BUD23: variants seen among roughly 807,000 people sequenced by gnomAD.
BUD23 encodes the protein BUD23 rRNA methyltransferase and ribosome maturation factor, also known as 18S rRNA (guanine-N(7))-methyltransferase.
BUD23 carries 34 observed loss-of-function variants against 47.0 expected under a neutral mutation model. The observed-to-expected ratio is 0.72, with a 90% CI of 0.55 to 0.96. The LOEUF (loss-of-function observed/expected upper bound fraction) is 0.96. BUD23 is among the 40% of genes least tolerant of loss of function. The pLI is 0.00. For missense variants in BUD23, 343 were observed against 361.2 expected (o/e 0.95, Z 0.41); for synonymous variants, 124 against 132.0 (o/e 0.94, Z 0.41).
intron 9 of BUD23, 131 bp from the exon 10 acceptor site, chr7:73,693,861 G>C: frequency 7.4e-7 from 1 of 1,359,580 alleles, no homozygotes; most frequent in Non-Finnish European, 1.0e-6. Flanking sequence ...AGAAAGGCGT[G>C]TCAGTTCCTT....
intron 10 of BUD23, chr7:73,696,312 C>T (rs972831726): frequency 2.0e-5 from 3 of 152,204 alleles, no homozygotes; most frequent in South Asian, 2.1e-4. Context: ...TGGATGACCT[C>T]TTCTCTGAGG....
At chr7:73,686,064 C>G (rs1232192797) in intron 2 of BUD23, among the ~76,000 whole-genome samples, 1 of 150,938 alleles carries the variant, frequency 6.6e-6, no homozygotes, top group Non-Finnish European at 1.5e-5. Context: ...CCACTGCACT[C>G]CAGCCTGGGC....
At chr7:73,690,326 G>T (rs1278693007) in intron 5 of BUD23, among the ~76,000 whole-genome samples, 1 of 152,114 alleles carries the variant, frequency 6.6e-6, no homozygotes, top group African/African-American at 2.4e-5. Flanking sequence ...TAAATCTGGG[G>T]GTTGTAAAGA....
intron 10 of BUD23, chr7:73,697,153 C>A (rs1563561403): frequency 2.5e-6 from 1 of 407,938 alleles, no homozygotes; most frequent in Non-Finnish European, 4.5e-6. Context: ...TCCCTCATAC[C>A]CCTCAGTCCT....
intron 2 of BUD23, among the ~76,000 whole-genome samples, chr7:73,684,626 GA>G (rs1353106559): frequency 5.1e-4 from 65 of 128,298 alleles, no homozygotes; most frequent in African/African-American, 7.8e-4. Context: ...AAGGGGGGGG[GA>G]TGGGGGCGGG....
At chr7:73,695,185 C>T (rs1163029153) in intron 10 of BUD23, 1 of 152,276 alleles carries the variant, frequency 6.6e-6, no homozygotes, top group Non-Finnish European at 1.5e-5. Flanking sequence ...CTCCTGGCCT[C>T]AAGCAATCCC....
chr7:73,691,103 G>A, intron 6 of BUD23, 91 bp downstream of exon 6: 1 of 1,156,368 alleles, frequency 8.6e-7, no homozygotes, highest in South Asian at 1.2e-5. Context: ...GTCCCATGAT[G>A]GGTAAGCTAC....
At chr7:73,691,465 C>G (rs559107843) in intron 6 of BUD23, among the ~76,000 whole-genome samples, 1 of 152,228 alleles carries the variant, frequency 6.6e-6, no homozygotes, top group South Asian at 2.1e-4. Context: ...TCCTTTTCTT[C>G]GGATGAGGAA....
chr7:73,697,293 CG>C (rs1466938671), intron 10 of BUD23: 1 of 673,324 alleles, frequency 1.5e-6, no homozygotes, highest in Non-Finnish European at 2.5e-6. Flanking sequence ...TGGTAGAAAG[CG>C]GCCTGCTTAC....
intron 6 of BUD23, among the ~76,000 whole-genome samples, chr7:73,691,428 C>G (rs1798191165): frequency 6.6e-6 from 1 of 152,286 alleles, no homozygotes; most frequent in Admixed American, 6.5e-5. Context: ...CTTCTGACTC[C>G]TCACTTATCC....
chr7:73,687,845 A>T (rs1490426357), intron 5 of BUD23, among the ~76,000 whole-genome samples: 1 of 151,634 alleles, frequency 6.6e-6, no homozygotes, highest in African/African-American at 2.4e-5. Flanking sequence ...AAAACTTTGC[A>T]GTCTGGCCAA....
At chr7:73,697,779 A>T in intron 11 of BUD23, 53 bp from the exon 12 acceptor site, 1 of 1,612,088 alleles carries the variant, frequency 6.2e-7, no homozygotes, top group Non-Finnish European at 8.5e-7. Context: ...TGAAGGGTCC[A>T]GGGCTGCTTT....
At chr7:73,685,454 A>AT (rs1259755180) in intron 2 of BUD23, among the ~76,000 whole-genome samples, 2 of 152,218 alleles carry the variant, frequency 1.3e-5, no homozygotes, top group Admixed American at 6.5e-5. Context: ...TAGCTTGATA[A>AT]TTTTTTGTGC....
intron 10 of BUD23, chr7:73,697,276 A>G (rs1554614991): frequency 3.2e-6 from 2 of 625,206 alleles, no homozygotes; most frequent in East Asian, 5.5e-5. Context: ...ATGATGTGTC[A>G]TTGCATTGGT....
chr7:73,692,934 G>GCA, intron 7 of BUD23: 1 of 548,628 alleles, frequency 1.8e-6, no homozygotes, highest in Middle Eastern at 4.5e-4. Flanking sequence ...GGGTGAGAGG[G>GCA]CACCGACAGT....
At chr7:73,691,881 A>T (rs990042904) in intron 6 of BUD23, among the ~76,000 whole-genome samples, 4 of 152,168 alleles carry the variant, frequency 2.6e-5, no homozygotes, top group Non-Finnish European at 2.9e-5. Context: ...ATGGGATTAT[A>T]GGCGTAAGCC....
At chr7:73,691,047 T>C in intron 6 of BUD23, 35 bp downstream of exon 6, 1 of 1,574,710 alleles carries the variant, frequency 6.4e-7, no homozygotes, top group Non-Finnish European at 8.7e-7. Flanking sequence ...CTGGGTTAGC[T>C]GCCTGTCCCT....
At chr7:73,691,585 C>T (rs1798195838) in intron 6 of BUD23, among the ~76,000 whole-genome samples, 1 of 152,078 alleles carries the variant, frequency 6.6e-6, no homozygotes, top group African/African-American at 2.4e-5. Context: ...ATTTTAAGTC[C>T]TAAAAATGAG....
Position 73,686,750 on chromosome 7 carries a change from G to T in BUD23, c.182+19G>T. 1.9e-6 allele frequency: 3 copies of T among 1,614,144 alleles called. No individual in the cohort carries two copies. Among genetic ancestry groups the T allele is most frequent in the Non-Finnish European group, 2.5e-6 (3 of 1,180,002 alleles). On this transcript the variant is annotated intron_variant, in intron 3 of 11. Transcript: ENST00000265758. ...ATATTGGGTGAGATTCTGGGGCCTG[G>T]TTCAGATTGTCTAAGGTGGTGAAGT...
Sources: gnomAD v4.1 joint callset for allele counts (sites outside exome capture counted in the v4.1 genomes callset) on GRCh38, gnomAD v4.1.1 for gene constraint, MANE v1.5 for transcripts, NCBI Gene and HGNC (gene_info 2026-07-23, HGNC 2026-07-21) for gene names.